Variants in BMP7 observed in about 807,000 individuals in gnomAD.
BMP7 encodes bone morphogenetic protein 7, also known as osteogenic protein 1.
Under a neutral mutation model 41.2 loss-of-function variants are expected in BMP7, and 12 were observed. The ratio of observed to expected loss-of-function variants is 0.29; its 90% CI spans 0.19 to 0.47. BMP7 has a LOEUF of 0.47. BMP7 is among the 20% of genes least tolerant of loss of function. BMP7 has a pLI of 0.99. For missense variants in BMP7, 467 were observed against 606.0 expected, an observed-to-expected ratio of 0.77 and a Z score of 2.41; for synonymous variants, 248 against 250.0, an observed-to-expected ratio of 0.99 and a Z score of 0.07.
Position 57,266,424 on chromosome 20 carries a change from G to T in BMP7, c.-302C>A. The T allele has an allele frequency of 4.9e-6, 1 of 203,528 alleles. No homozygotes were observed. The highest frequency in any genetic ancestry group is 9.7e-6 in the Non-Finnish European group (1 of 102,978). 12.6% of individuals were successfully genotyped at this position (203,528 alleles called of 1,614,324 possible). On this transcript the variant is annotated 5_prime_UTR_variant, in exon 1 of 7. It adds an upstream start codon to the 5' untranslated region. Transcript: ENST00000395863. ...CGGGCGCGGGTGGGAGGAGCAGCCA[G>T]CAAGCCTAGGAGTCCAGAGAGCCAA...
At chr20:57,250,190 G>A (rs1187771238) in intron 1 of BMP7, among the ~76,000 whole-genome samples, 1 of 151,868 alleles carries the variant, frequency 6.6e-6, no homozygotes, top group African/African-American at 2.4e-5. Flanking sequence ...CAGCACTTTG[G>A]GAGGCTGAGG....
chr20:57,234,670 C>A (rs1039434498), intron 1 of BMP7, among the ~76,000 whole-genome samples: 3 of 152,150 alleles, frequency 2.0e-5, no homozygotes, highest in African/African-American at 7.2e-5. Flanking sequence ...TGTGTTCTCT[C>A]CAGATGACCA....
rs113548851 is a variant in BMP7, at chr20:57,190,377, C to T, written c.761-6458G>A. Reference sequence around the variant, plus strand: ...AACCAGAGGGGGTGAGGCTGGAGAGCGTGAGTGAGGAGCCCGAGGGGGTGA... The same window carrying T: ...AACCAGAGGGGGTGAGGCTGGAGAGTGTGAGTGAGGAGCCCGAGGGGGTGA... On this transcript the variant is annotated intron_variant, in intron 3 of 6. Coordinates refer to ENST00000395863, the MANE Select transcript of BMP7 (RefSeq NM_001719.3). Among the ~76,000 whole-genome samples the T allele has an allele frequency of 2.2e-5, 2 of 90,908 alleles. 1 individual carries two copies. Among genetic ancestry groups the T allele is most frequent in the African/African-American group, 9.7e-5 (2 of 20,680 alleles). The allele number at this position is 90,908 out of a possible 152,430, so 59.6% of individuals were successfully genotyped here.
In BMP7 at chr20:57,202,379, C is replaced by T. The variant is rs1984641157; in HGVS notation, c.760+96G>A. ...GTACTGGTTGGGAGGGGCGGGGAAG[C>T]CTGTTTGTAGTGAAGCAAGCATGAG... On this transcript the variant is annotated intron_variant, in intron 3 of 6. Transcript: ENST00000395863. The T allele has an allele frequency of 3.3e-6, 5 of 1,508,358 alleles. No homozygotes were observed. The South Asian group carries it at 6.0e-5, about 18-fold the overall frequency. The allele number at this position is 1,508,358 out of a possible 1,614,324, so 93.4% of individuals were successfully genotyped here.
intron 2 of BMP7, among the ~76,000 whole-genome samples, chr20:57,216,652 T>C (rs230204): frequency 0.65 from 98,716 of 151,814 alleles, 33,346 homozygotes; most frequent in African/African-American, 0.84. Flanking sequence ...TGGGGAATTC[T>C]CCATAGACCT....
At chr20:57,179,823 A>G (rs1027075537) in intron 4 of BMP7, among the ~76,000 whole-genome samples, 1 of 152,160 alleles carries the variant, frequency 6.6e-6, no homozygotes, top group African/African-American at 2.4e-5. Flanking sequence ...AAACAGGGCC[A>G]CGAGCCATCC....
In BMP7 at chr20:57,266,035, C is replaced by T; in HGVS notation, c.88G>A (p.Asp30Asn). 6.5e-7 allele frequency: 1 copy of T among 1,545,854 alleles called. No individual in the cohort carries two copies. Among genetic ancestry groups the T allele is most frequent in the Middle Eastern group, 1.7e-4 (1 of 5,986 alleles). ...PLFLLRSALA[D>N]FSLDNEVHSS... ...TGCACCTCGTTGTCCAGGCTGAAGT[C>T]GGCCAGGGCGGAGCGCAGCAGGAAC... is the stretch of plus-strand genomic sequence containing the variant. Residue 30 changes from aspartate to asparagine, a missense_variant, in exon 1 of 7, where the codon GAC becomes AAC. Transcript: ENST00000395863.
At chr20:57,235,641 G>A (rs73914183) in intron 1 of BMP7, among the ~76,000 whole-genome samples, 2,883 of 152,312 alleles carry the variant, frequency 0.019, 70 homozygotes, top group African/African-American at 0.067. Flanking sequence ...AGAGGACAAG[G>A]AAGGGCACTG....
At chr20:57,253,009 A>T (rs2066120340) in intron 1 of BMP7, among the ~76,000 whole-genome samples, 1 of 152,236 alleles carries the variant, frequency 6.6e-6, no homozygotes, top group African/African-American at 2.4e-5. Context: ...AATAGTGCCC[A>T]GGCTGAGAAA....
At chr20:57,175,634 G>A (rs1181932912) in intron 4 of BMP7, among the ~76,000 whole-genome samples, 4 of 152,194 alleles carry the variant, frequency 2.6e-5, no homozygotes, top group African/African-American at 9.7e-5. Flanking sequence ...GGAAGCATTC[G>A]GGTCAGGGCC....
intron 1 of BMP7, among the ~76,000 whole-genome samples, chr20:57,229,791 G>A (rs999635216): frequency 2.6e-5 from 4 of 152,234 alleles, no homozygotes; most frequent in Non-Finnish European, 5.9e-5. Context: ...ATGGCTGCCC[G>A]GTTCCAAGTG....
At chr20:57,186,842 C>A (rs926250794) in intron 3 of BMP7, among the ~76,000 whole-genome samples, 1 of 152,178 alleles carries the variant, frequency 6.6e-6, no homozygotes. Context: ...TTCCCCCACC[C>A]GCCGCTATTT....
At chr20:57,195,643 C>T (rs1431886844) in intron 3 of BMP7, among the ~76,000 whole-genome samples, 1 of 152,276 alleles carries the variant, frequency 6.6e-6, no homozygotes, top group Non-Finnish European at 1.5e-5. Flanking sequence ...GGCTTAGTTT[C>T]CACAGCCGCC....
intron 3 of BMP7, among the ~76,000 whole-genome samples, chr20:57,190,628 GGA>G (rs1369879919): frequency 6.6e-6 from 1 of 152,074 alleles, no homozygotes; most frequent in Non-Finnish European, 1.5e-5. Context: ...TGCCGTGTGG[GGA>G]ACCAACAAGG....
chr20:57,198,488 G>A (rs914624455), intron 3 of BMP7, among the ~76,000 whole-genome samples: 22 of 152,164 alleles, frequency 1.4e-4, no homozygotes, highest in Non-Finnish European at 1.5e-4. Context: ...CAGGCTCCCC[G>A]CTCGGCCTCC....
chr20:57,193,904 G>A (rs2123079222), intron 3 of BMP7, among the ~76,000 whole-genome samples: 1 of 152,346 alleles, frequency 6.6e-6, no homozygotes, highest in East Asian at 1.9e-4. Flanking sequence ...TTGCTCCGAT[G>A]GTCCAGAGCA....
At chr20:57,227,117 A>G (rs2066010312) in intron 2 of BMP7, among the ~76,000 whole-genome samples, 1 of 152,140 alleles carries the variant, frequency 6.6e-6, no homozygotes, top group African/African-American at 2.4e-5. Context: ...GTGAGCTACC[A>G]CACCCGGCCT....
At chr20:57,248,353 G>A (rs1330207409) in intron 1 of BMP7, among the ~76,000 whole-genome samples, 1 of 152,222 alleles carries the variant, frequency 6.6e-6, no homozygotes, top group Admixed American at 6.5e-5. Context: ...GTGCTGGCCA[G>A]ATGCCAGCTG....
chr20:57,209,249 TTATATATATATATA>T (rs57062226), intron 2 of BMP7, among the ~76,000 whole-genome samples: 1,460 of 94,866 alleles, frequency 0.015, 40 homozygotes, highest in African/African-American at 0.047. Context: ...TTATATATTT[TTATATATATATATA>T]TATATATATA....
Sources: gnomAD v4.1 joint callset for allele counts (sites outside exome capture counted in the v4.1 genomes callset) on GRCh38, gnomAD v4.1.1 for gene constraint, MANE v1.5 for transcripts, NCBI Gene and HGNC (gene_info 2026-07-23, HGNC 2026-07-21) for gene names.